The following TMEM52B variants were observed in gnomAD, a reference collection of about 807,000 sequenced individuals.
TMEM52B encodes the protein transmembrane protein 52B.
A neutral mutation model predicts 16.1 loss-of-function variants in TMEM52B; 11 were observed. The observed-to-expected ratio is 0.68, with a 90% CI of 0.43 to 1.13. The LOEUF (loss-of-function observed/expected upper bound fraction) is 1.13. TMEM52B is among the 50% of genes most tolerant of loss of function. The probability of loss-of-function intolerance (pLI) is 0.00; values close to 1 mark genes in which losing one functional copy is unlikely to be tolerated. For synonymous variants in TMEM52B, 101 were observed against 93.8 expected (o/e 1.08, Z -0.45); for missense variants, 243 against 230.4 (o/e 1.05, Z -0.35).
chr12:10,177,254 TA>T (rs1233524979), upstream of TMEM52B, among the ~76,000 whole-genome samples: 7 of 152,100 alleles, frequency 4.6e-5, no homozygotes, highest in Non-Finnish European at 2.9e-5. Flanking sequence ...TTTAAAAAAA[TA>T]AAAAATAAAA....
In TMEM52B at chr12:10,190,252, A is replaced by T; in HGVS notation, c.*112A>T. 1 of 1,319,354 alleles carries T rather than the reference A, an allele frequency of 7.6e-7. No individual in the cohort carries two copies. Among genetic ancestry groups the T allele is most frequent in the Non-Finnish European group, 1.1e-6 (1 of 947,028 alleles). The allele number at this position is 1,319,354 out of a possible 1,614,324, so 81.7% of individuals were successfully genotyped here. The stretch of plus-strand genomic sequence containing the variant: ...TTTTAAGATGGCATCTAACACCATC[A>T]TTCTATGGGAAAGATGGTTCTTACT... On this transcript the variant is annotated 3_prime_UTR_variant, in exon 5 of 5. Coordinates refer to ENST00000543484, the MANE Select transcript of TMEM52B (RefSeq NM_001384896.1).
chr12:10,176,440 G>C (rs183971652), upstream of TMEM52B, among the ~76,000 whole-genome samples: 2 of 152,330 alleles, frequency 1.3e-5, no homozygotes, highest in African/African-American at 4.8e-5. Context: ...TGTTAGAAAA[G>C]TGCAATGCGA....
chr12:10,176,709 A>G (rs1198129750), upstream of TMEM52B, among the ~76,000 whole-genome samples: 5 of 152,226 alleles, frequency 3.3e-5, no homozygotes, highest in Non-Finnish European at 7.3e-5. Context: ...AAAAAATATC[A>G]GGACTGTTAT....
chr12:10,181,519 G>A (rs567953395), intron 1 of TMEM52B, among the ~76,000 whole-genome samples: 1 of 150,920 alleles, frequency 6.6e-6, no homozygotes, highest in Non-Finnish European at 1.5e-5. Flanking sequence ...TCGTAGAGAC[G>A]GGATTTCACC....
rs765155511 is a variant in TMEM52B at position 10,186,641 on chromosome 12, A to G, written c.307+52A>G. 7 of 1,496,892 alleles carry G rather than the reference A, an allele frequency of 4.7e-6. No homozygotes were observed. The South Asian group carries it at 6.6e-5, about 14-fold the overall frequency. The allele number at this position is 1,496,892 out of a possible 1,614,324, so 92.7% of individuals were successfully genotyped here. A position where few individuals can be genotyped will look rare whatever the true frequency, so the allele number is the denominator to read the frequency against. On this transcript the variant is annotated intron_variant, in intron 4 of 4. Transcript: ENST00000543484. The stretch of plus-strand genomic sequence containing the variant: ...GAGGAGGACCCAATTTAAGGGAATA[A>G]TGAAAAGGGTGCAAAGGTGTAGAAC...
chr12:10,186,331 T>G, intron 3 of TMEM52B, 89 bp from the exon 4 acceptor site: 1 of 999,306 alleles, frequency 1.0e-6, no homozygotes, highest in Non-Finnish European at 1.4e-6. Flanking sequence ...TAGACAAGAA[T>G]CAAAACACAG....
intron 1 of TMEM52B, among the ~76,000 whole-genome samples, chr12:10,180,956 C>T (rs1565426254): frequency 6.6e-6 from 1 of 152,236 alleles, no homozygotes; most frequent in East Asian, 1.9e-4. Context: ...CAGGCATGCA[C>T]CACCACGCCT....
chr12:10,185,940 T>C (rs370926463), intron 3 of TMEM52B, among the ~76,000 whole-genome samples: 29 of 152,166 alleles, frequency 1.9e-4, no homozygotes, highest in African/African-American at 6.0e-4. Context: ...ACTCAGGTGG[T>C]TGAGGCAGGA....
At chr12:10,186,778 C>T (rs1023419156) in intron 4 of TMEM52B, among the ~76,000 whole-genome samples, 189 bp downstream of exon 4, 8 of 152,124 alleles carry the variant, frequency 5.3e-5, no homozygotes, top group Non-Finnish European at 1.2e-4. Flanking sequence ...AAGGGTCTGT[C>T]TGGCTCATGA....
chr12:10,179,385 G>T lies in TMEM52B; in HGVS notation c.-190G>T, dbSNP rs1003866321. On this transcript the variant is annotated 5_prime_UTR_variant, in exon 1 of 5. Coordinates refer to ENST00000543484, the MANE Select transcript of TMEM52B (RefSeq NM_001384896.1). The stretch of plus-strand genomic sequence containing the variant: ...GAAAAACAGGAAAGAAGAGGGAAAA[G>T]CCATAGAAAATAACAGCCAGAGCGA... 5 of 606,490 alleles carry T rather than the reference G, an allele frequency of 8.2e-6. No individual in the cohort carries two copies. In the African/African-American group the frequency reaches 9.2e-5, roughly 11 times the overall value. The allele number at this position is 606,490 out of a possible 1,614,324, so 37.6% of individuals were successfully genotyped here.
At chr12:10,174,098 T>C (rs1249684084), upstream of TMEM52B, among the ~76,000 whole-genome samples, 1 of 152,170 alleles carries the variant, frequency 6.6e-6, no homozygotes, top group African/African-American at 2.4e-5. Context: ...TTCACCCTTG[T>C]TACCCAGGGT....
chr12:10,186,272 G>T (rs1443964729), intron 3 of TMEM52B, 148 bp from the exon 4 acceptor site: 2 of 490,320 alleles, frequency 4.1e-6, no homozygotes, highest in East Asian at 5.2e-5. Context: ...CAAAAGCCTT[G>T]AAATTAAAAT....
upstream of TMEM52B, among the ~76,000 whole-genome samples, chr12:10,178,528 A>G (rs1051117970): frequency 6.6e-6 from 1 of 151,408 alleles, no homozygotes; most frequent in South Asian, 2.1e-4. Context: ...GTCTCAAAAA[A>G]AAAAAAAAAA....
upstream of TMEM52B, among the ~76,000 whole-genome samples, chr12:10,178,726 T>A (rs1325704448): frequency 1.3e-5 from 2 of 152,110 alleles, no homozygotes; most frequent in Admixed American, 6.5e-5. Flanking sequence ...TTTGCTTTTT[T>A]AAAATTTGGT....
At chr12:10,179,680 A>C in intron 1 of TMEM52B, 52 bp downstream of exon 1, 1 of 1,606,122 alleles carries the variant, frequency 6.2e-7, no homozygotes, top group Non-Finnish European at 8.5e-7. Context: ...AGATTAATCA[A>C]CTCTCAGAAG....
At position 10,179,886 on chromosome 12, in the gene TMEM52B, T is replaced by C. The variant is rs371819946; in HGVS notation, c.54+258T>C. Among the ~76,000 whole-genome samples the C allele has an allele frequency of 3.9e-5, 6 of 152,312 alleles. No homozygotes were observed. In the East Asian group the frequency reaches 1.2e-3, roughly 29 times the overall value. ...AACGAGCAGGATTGCCGTGGCACTTTAGAAGTGCCGCTGAAGTATTTTATC... is the reference window on the plus strand; with the variant it reads ...AACGAGCAGGATTGCCGTGGCACTTCAGAAGTGCCGCTGAAGTATTTTATC... On this transcript the variant is annotated intron_variant, in intron 1 of 4. Transcript: ENST00000543484.
rs1193840942 is a variant in TMEM52B at position 10,190,221 on chromosome 12, C to A, written c.*81C>A. 28 of 1,573,346 alleles carry A rather than the reference C, an allele frequency of 1.8e-5. No homozygotes were observed. The highest frequency in any genetic ancestry group is 2.4e-5 in the Non-Finnish European group (28 of 1,153,836). On this transcript the variant is annotated 3_prime_UTR_variant, in exon 5 of 5. Transcript: ENST00000543484. The stretch of plus-strand genomic sequence containing the variant: ...ATGGAACACATACTTTTCTAACCCT[C>A]AGAAGTTTTAAGATGGCATCTAACA...
chr12:10,177,814 AT>A (rs199575402), upstream of TMEM52B, among the ~76,000 whole-genome samples: 35,623 of 85,392 alleles, frequency 0.42, 5,364 homozygotes, highest in Admixed American at 0.49. Flanking sequence ...AATAATAATA[AT>A]TTTTTTATTA....
At chr12:10,180,547 A>G (rs749338694) in intron 1 of TMEM52B, among the ~76,000 whole-genome samples, 17 of 152,276 alleles carry the variant, frequency 1.1e-4, no homozygotes, top group Non-Finnish European at 1.9e-4. Context: ...TTTCTTTCCA[A>G]TGAAAACACA....
Sources: gnomAD v4.1 joint callset for allele counts (sites outside exome capture counted in the v4.1 genomes callset) on GRCh38, gnomAD v4.1.1 for gene constraint, MANE v1.5 for transcripts, NCBI Gene and HGNC (gene_info 2026-07-23, HGNC 2026-07-21) for gene names.